The following USP32 variants were observed in gnomAD, a reference collection of about 807,000 sequenced individuals.
USP32 encodes the protein ubiquitin carboxyl-terminal hydrolase 32.
Under a neutral mutation model 204.8 loss-of-function variants are expected in USP32, and 59 were observed. That is an observed-to-expected ratio of 0.29 (90% CI 0.23 to 0.36). The LOEUF (loss-of-function observed/expected upper bound fraction) is 0.36. Among genes scored for constraint, USP32 ranks in the 10% least tolerant of loss-of-function variants. The pLI is 1.00. For missense variants in USP32, 1,160 were observed against 1,946.4 expected (o/e 0.60, Z 7.60); for synonymous variants, 517 against 678.4 (o/e 0.76, Z 3.70).
intron 13 of USP32, 130 bp downstream of exon 13, chr17:60,225,909 G>C (rs570902654): frequency 2.1e-6 from 2 of 947,736 alleles, no homozygotes; most frequent in Non-Finnish European, 3.0e-6. Flanking sequence ...AGCAGAGATC[G>C]CGCCACTGCG....
chr17:60,220,460 T>C (rs1022857038), intron 15 of USP32, among the ~76,000 whole-genome samples: 57 of 152,204 alleles, frequency 3.7e-4, no homozygotes, highest in Non-Finnish European at 4.9e-4. Context: ...GTCTATGACT[T>C]AAACAAAAAA....
intron 1 of USP32, among the ~76,000 whole-genome samples, chr17:60,397,790 A>G (rs1947490629): frequency 1.3e-5 from 2 of 152,084 alleles, no homozygotes; most frequent in African/African-American, 4.8e-5. Flanking sequence ...CTGATACTCA[A>G]AAAAAATTCT....
At chr17:60,340,064 C>G (rs1445680849) in intron 2 of USP32, among the ~76,000 whole-genome samples, 4 of 152,150 alleles carry the variant, frequency 2.6e-5, no homozygotes, top group Non-Finnish European at 4.4e-5. Context: ...TCTGTTTACT[C>G]AGACTTAAAG....
At chr17:60,406,350 T>C (rs2143045994) in intron 1 of USP32, among the ~76,000 whole-genome samples, 1 of 151,426 alleles carries the variant, frequency 6.6e-6, no homozygotes, top group East Asian at 1.9e-4. Context: ...AGCTAATTGT[T>C]GTATGTTTAG....
intron 29 of USP32, 124 bp downstream of exon 29, chr17:60,190,439 A>C: frequency 7.5e-7 from 1 of 1,329,832 alleles, no homozygotes; most frequent in Non-Finnish European, 1.0e-6. Context: ...GGTGCCATAG[A>C]GGATGCCAAT....
rs1479046326 is a variant in USP32 at position 60,345,461 on chromosome 17, A to C, written c.186+20T>G. Reference sequence around the variant, plus strand: ...AGGTGGATAACTACCTCAAAGGAAAACTTAGAACAAAAAGATTACCTCAGC... The same window carrying C: ...AGGTGGATAACTACCTCAAAGGAAACCTTAGAACAAAAAGATTACCTCAGC... On this transcript the variant is annotated intron_variant, in intron 2 of 33. Transcript: ENST00000300896. 2 of 1,612,434 alleles carry C rather than the reference A, an allele frequency of 1.2e-6. No homozygotes were observed.
At chr17:60,241,986 T>C (rs2085889623) in intron 11 of USP32, among the ~76,000 whole-genome samples, 1 of 152,194 alleles carries the variant, frequency 6.6e-6, no homozygotes, top group African/African-American at 2.4e-5. Flanking sequence ...TCTAGAAGTG[T>C]TATATTTTTA....
chr17:60,248,295 C>T (rs992295204), intron 11 of USP32, among the ~76,000 whole-genome samples: 3 of 152,156 alleles, frequency 2.0e-5, no homozygotes, highest in Admixed American at 2.0e-4. Context: ...TGGCTTTCAA[C>T]TTCTTCCTTT....
chr17:60,196,908 T>A (rs1462694064), intron 27 of USP32, among the ~76,000 whole-genome samples: 1 of 151,846 alleles, frequency 6.6e-6, no homozygotes, highest in Non-Finnish European at 1.5e-5. Flanking sequence ...TGGCCAGGTG[T>A]GGTGGCTCAC....
intron 12 of USP32, among the ~76,000 whole-genome samples, chr17:60,232,476 A>AT (rs764051983): frequency 0.15 from 17,634 of 120,302 alleles, 2,164 homozygotes; most frequent in African/African-American, 0.42. Flanking sequence ...CCTGGCCCAA[A>AT]TTTTTTTTTT....
At chr17:60,271,130 T>G (rs565147922) in intron 6 of USP32, among the ~76,000 whole-genome samples, 1 of 152,266 alleles carries the variant, frequency 6.6e-6, no homozygotes, top group East Asian at 1.9e-4. Context: ...ATGAGCATGC[T>G]CGGGTGCAGA....
chr17:60,300,147 T>G (rs961946227), intron 3 of USP32, among the ~76,000 whole-genome samples: 5 of 152,132 alleles, frequency 3.3e-5, no homozygotes, highest in Non-Finnish European at 4.4e-5. Flanking sequence ...TGTTCAAGAA[T>G]AAAAGCAAAG....
At chr17:60,314,789 A>G (rs2087934470) in intron 2 of USP32, among the ~76,000 whole-genome samples, 1 of 152,248 alleles carries the variant, frequency 6.6e-6, no homozygotes, top group African/African-American at 2.4e-5. Context: ...TATATAATAC[A>G]TTCCTGAAAA....
intron 1 of USP32, among the ~76,000 whole-genome samples, chr17:60,407,384 A>G (rs1346186862): frequency 9.9e-5 from 15 of 152,208 alleles, no homozygotes; most frequent in Admixed American, 9.8e-4. Flanking sequence ...ATTATGACCA[A>G]TTGGAGTAGA....
chr17:60,388,730 AAC>A (rs1219485093), intron 1 of USP32, among the ~76,000 whole-genome samples: 3 of 151,722 alleles, frequency 2.0e-5, no homozygotes, highest in Non-Finnish European at 2.9e-5. Context: ...ACATCTCCCT[AAC>A]AGTGTTTAAA....
intron 13 of USP32, among the ~76,000 whole-genome samples, chr17:60,223,797 T>C (rs1002103139): frequency 6.6e-6 from 1 of 152,192 alleles, no homozygotes; most frequent in Non-Finnish European, 1.5e-5. Context: ...TTAAAATTAT[T>C]ACCAAATGAA....
At chr17:60,306,646 A>G (rs2087731534) in intron 2 of USP32, among the ~76,000 whole-genome samples, 1 of 152,136 alleles carries the variant, frequency 6.6e-6, no homozygotes, top group South Asian at 2.1e-4. Context: ...TCGAAAGAAA[A>G]AAAAAATGTC....
At position 60,244,912 on chromosome 17, in the gene USP32, G is replaced by A. The variant is rs189361096; in HGVS notation, c.1136+7469C>T. On this transcript the variant is annotated intron_variant, in intron 11 of 33. Coordinates refer to ENST00000300896, the MANE Select transcript of USP32 (RefSeq NM_032582.4). ...CTCCCAAAGAGCTGGGATTACAGGC[G>A]TGAGCCATGGCACCCAGCCAACATA... Among the ~76,000 whole-genome samples the A allele has an allele frequency of 1.1e-4, 16 of 152,342 alleles. No homozygotes were observed. In the East Asian group the frequency reaches 1.2e-3, roughly 11 times the overall value.
chr17:60,345,362 C>G, intron 2 of USP32, 119 bp downstream of exon 2: 2 of 1,419,398 alleles, frequency 1.4e-6, no homozygotes, highest in Non-Finnish European at 1.9e-6. Flanking sequence ...TTTACCCACT[C>G]AGGAAGAAAA....
Sources: gnomAD v4.1 joint callset for allele counts (sites outside exome capture counted in the v4.1 genomes callset) on GRCh38, gnomAD v4.1.1 for gene constraint, MANE v1.5 for transcripts, NCBI Gene and HGNC (gene_info 2026-07-23, HGNC 2026-07-21) for gene names.